The following PCDHA12 variants were observed in gnomAD, a reference collection of about 807,000 sequenced individuals.
The protein encoded by PCDHA12 is protocadherin alpha 12, also known as protocadherin alpha-12.
In PCDHA12, 44 loss-of-function variants were observed where a neutral mutation model predicts 60.0. That is an observed-to-expected ratio of 0.73 (90% CI 0.58 to 0.94). The LOEUF is 0.94. PCDHA12 is among the 40% of genes least tolerant of loss of function. The pLI, the probability that PCDHA12 is intolerant of heterozygous loss-of-function variation, is 0.00. For synonymous variants in PCDHA12, 569 were observed against 553.0 expected, an observed-to-expected ratio of 1.03 and a Z score of -0.40; for missense variants, 1,276 against 1,239.7, an observed-to-expected ratio of 1.03 and a Z score of -0.44.
chr5:140,928,522 T>G lies in PCDHA12; in HGVS notation c.2368-50427T>G, dbSNP rs373009645. The G allele has an allele frequency of 4.3e-6, 7 of 1,614,150 alleles. No homozygotes were observed. Among genetic ancestry groups the G allele is most frequent in the African/African-American group, 1.3e-5 (1 of 75,032 alleles). On this transcript the variant is annotated intron_variant, in intron 1 of 3. Coordinates refer to ENST00000398631, the MANE Select transcript of PCDHA12 (RefSeq NM_018903.4). ...AAGTGCAACAGTGACTATAAACTTG[T>G]TTGTGGTAGATAGGAATGACAATTA...
At chr5:140,884,033 C>T in intron 1 of PCDHA12, 1 of 1,613,402 alleles carries the variant, frequency 6.2e-7, no homozygotes, top group Non-Finnish European at 8.5e-7. Context: ...GGGTGCAGGC[C>T]ACGTGGTGGC....
At chr5:140,942,876 T>C (rs2093384814) in intron 1 of PCDHA12, among the ~76,000 whole-genome samples, 1 of 152,052 alleles carries the variant, frequency 6.6e-6, no homozygotes, top group Non-Finnish European at 1.5e-5. Context: ...GCATGACAAC[T>C]TTTTTCCTAA....
chr5:140,956,585 T>G (rs1004549488), intron 1 of PCDHA12, among the ~76,000 whole-genome samples: 4 of 152,198 alleles, frequency 2.6e-5, no homozygotes, highest in Non-Finnish European at 5.9e-5. Flanking sequence ...CATTGATGCT[T>G]ATCAGGGATA....
At chr5:140,882,531 C>A (rs781969592) in intron 1 of PCDHA12, 2 of 1,614,218 alleles carry the variant, frequency 1.2e-6, no homozygotes, top group Non-Finnish European at 1.7e-6. Context: ...TTTGTGAATT[C>A]TCGGATCGAC....
In PCDHA12 at chr5:140,877,018, A is replaced by G; in HGVS notation, c.1546A>G (p.Lys516Glu). 1 of 1,612,420 alleles carries G rather than the reference A, an allele frequency of 6.2e-7. No homozygotes were observed. Among genetic ancestry groups the G allele is most frequent in the Non-Finnish European group, 8.5e-7 (1 of 1,179,802 alleles). The change falls in exon 1 of 4, where the codon AAG becomes GAG. Residue 516 changes from lysine (K) to glutamate (E), a missense_variant. Lys to Glu is a moderately conservative substitution (Grantham distance 56). Coordinates refer to ENST00000398631, the MANE Select transcript of PCDHA12 (RefSeq NM_018903.4). ...SYVSVHAESG[K>E]VYALQPLDHE... ...CGTGTCGGTGCACGCGGAGAGCGGC[A>G]AGGTGTACGCGCTGCAGCCGCTAGA...
At position 140,876,007 on chromosome 5, in the gene PCDHA12, G is replaced by A. The variant is rs1177191662; in HGVS notation, c.535G>A (p.Glu179Lys). 9 of 1,613,658 alleles carry A rather than the reference G, an allele frequency of 5.6e-6. No individual in the cohort carries two copies. Among genetic ancestry groups the A allele is most frequent in the Non-Finnish European group, 7.6e-6 (9 of 1,179,880 alleles). ...TYALSLNENF[E>K]LKIKTKKDKS... ...TGCGTTAAGTCTAAATGAGAATTTTGAGCTTAAAATAAAAACAAAAAAAGA... is the reference window on the plus strand; with the variant it reads ...TGCGTTAAGTCTAAATGAGAATTTTAAGCTTAAAATAAAAACAAAAAAAGA... Residue 179 changes from glutamate (E) to lysine (K), a missense_variant, in exon 1 of 4, where the codon GAG becomes AAG. Transcript: ENST00000398631.
rs201501759 is a variant in PCDHA12 at position 140,978,957 on chromosome 5, G to A, written c.2376G>A (p.Gln792=). The stretch of plus-strand genomic sequence containing the variant: ...TCTTTGTGATTTTGCAGCCACGACA[G>A]CCCAACCCTGACTGGCGTTACTCTG... ...DCLNPPSEPR[Q]PNPDWRYSAS... is the part of the protein sequence containing the mutation. Residue 792 remains glutamine, a synonymous_variant, in exon 2 of 4, where the codon CAG becomes CAA. Coordinates refer to ENST00000398631, the MANE Select transcript of PCDHA12 (RefSeq NM_018903.4). 56 of 1,614,040 alleles carry A rather than the reference G, an allele frequency of 3.5e-5. No individual in the cohort carries two copies. In the East Asian group the frequency reaches 1.1e-3, roughly 32 times the overall value.
At chr5:140,897,900 A>G (rs1173970358) in intron 1 of PCDHA12, among the ~76,000 whole-genome samples, 5 of 152,140 alleles carry the variant, frequency 3.3e-5, no homozygotes, top group Non-Finnish European at 5.9e-5. Context: ...GTGAGATGGT[A>G]TCTCATTGTG....
At chr5:140,878,855 T>C (rs905851216) in intron 1 of PCDHA12, among the ~76,000 whole-genome samples, 3 of 152,250 alleles carry the variant, frequency 2.0e-5, no homozygotes, top group Admixed American at 6.5e-5. Context: ...TGGGTTCAAC[T>C]GATCCTCCAT....
intron 1 of PCDHA12, chr5:140,884,495 A>T: frequency 6.2e-7 from 1 of 1,614,034 alleles, no homozygotes; most frequent in Non-Finnish European, 8.5e-7. Flanking sequence ...AGTGTGCTCC[A>T]GCGCGGCAGG....
intron 1 of PCDHA12, among the ~76,000 whole-genome samples, chr5:140,954,401 A>G (rs567522525): frequency 2.0e-4 from 31 of 152,300 alleles, no homozygotes; most frequent in Middle Eastern, 3.4e-3. Flanking sequence ...AACCCCACCA[A>G]CAGGGTAAAG....
At chr5:140,966,248 G>C (rs2095985597) in intron 1 of PCDHA12, 2 of 322,664 alleles carry the variant, frequency 6.2e-6, no homozygotes, top group Non-Finnish European at 5.6e-6. Context: ...AAGCAGGGGA[G>C]AGACGGTGGA....
At chr5:140,993,107 A>G (rs2097540621) in intron 3 of PCDHA12, among the ~76,000 whole-genome samples, 1 of 152,218 alleles carries the variant, frequency 6.6e-6, no homozygotes, top group South Asian at 2.1e-4. Context: ...TTCAGCGGTC[A>G]GTGTCACATC....
At chr5:140,930,403 T>A (rs1337428261) in intron 1 of PCDHA12, 6 of 152,200 alleles carry the variant, frequency 3.9e-5, no homozygotes, top group African/African-American at 1.2e-4. Context: ...CTTTTTTTTT[T>A]TTGAGACAGG....
At chr5:140,957,080 A>G (rs2095331610) in intron 1 of PCDHA12, among the ~76,000 whole-genome samples, 1 of 152,174 alleles carries the variant, frequency 6.6e-6, no homozygotes. Flanking sequence ...CTTTTTATTA[A>G]GGAAAATGAA....
chr5:140,967,112 C>T (rs1338076103), intron 1 of PCDHA12: 4 of 1,612,876 alleles, frequency 2.5e-6, no homozygotes, highest in East Asian at 2.2e-5. Flanking sequence ...GCAGCGGCCT[C>T]GCTGCCTGCT....
chr5:140,887,101 CTTT>C (rs200717289), intron 1 of PCDHA12, among the ~76,000 whole-genome samples: 1 of 145,292 alleles, frequency 6.9e-6, no homozygotes, highest in African/African-American at 2.5e-5. Flanking sequence ...ATCTTTATCT[CTTT>C]TTTTTTTTTT....
At chr5:141,000,414 TATATATA>T (rs1167743190) in intron 3 of PCDHA12, among the ~76,000 whole-genome samples, 31 of 99,528 alleles carry the variant, frequency 3.1e-4, no homozygotes, top group African/African-American at 9.8e-4. Context: ...TATATATATA[TATATATA>T]TTTTTTTTTT....
intron 1 of PCDHA12, among the ~76,000 whole-genome samples, chr5:140,972,288 C>T (rs1263314074): frequency 2.0e-5 from 3 of 150,942 alleles, no homozygotes; most frequent in African/African-American, 4.9e-5. Context: ...CATAGATGTG[C>T]GCCACCGTGT....
Sources: gnomAD v4.1 joint callset for allele counts (sites outside exome capture counted in the v4.1 genomes callset) on GRCh38, gnomAD v4.1.1 for gene constraint, MANE v1.5 for transcripts, NCBI Gene and HGNC (gene_info 2026-07-23, HGNC 2026-07-21) for gene names.